The following SND1 variants were observed in gnomAD, a reference collection of about 807,000 sequenced individuals.
The protein encoded by SND1 is staphylococcal nuclease and tudor domain containing 1, also known as staphylococcal nuclease domain-containing protein 1.
SND1 carries 38 observed loss-of-function variants against 121.7 expected under a neutral mutation model. The observed-to-expected ratio is 0.31, with a 90% CI of 0.24 to 0.41. The LOEUF is 0.41. Among genes scored for constraint, SND1 ranks in the 10% least tolerant of loss-of-function variants. The pLI, the probability that SND1 is intolerant of heterozygous loss-of-function variation, is 1.00. For synonymous variants in SND1, 401 were observed against 447.4 expected (o/e 0.90, Z 1.31); for missense variants, 868 against 1,184.6 (o/e 0.73, Z 3.92).
rs144551964 is a variant in SND1, at chr7:127,767,540, A to G, written c.1153-39944A>G. 1.1e-4 allele frequency among the ~76,000 whole-genome samples: 16 copies of G among 152,226 alleles called. No homozygotes were observed. In the East Asian group the frequency reaches 2.5e-3, roughly 24 times the overall value. ...TAATGAAAGTGATTAAGAAGGTTCT[A>G]TTTTCTTCCATTGGTATGAATGTTC... On this transcript the variant is annotated intron_variant, in intron 10 of 23. Coordinates refer to ENST00000354725, the MANE Select transcript of SND1 (RefSeq NM_014390.4).
intron 13 of SND1, among the ~76,000 whole-genome samples, chr7:127,891,477 G>A (rs573618603): frequency 3.4e-4 from 51 of 152,160 alleles, no homozygotes; most frequent in African/African-American, 1.2e-3. Flanking sequence ...GTTACAGCGT[G>A]TCAGAGCTCT....
At chr7:127,857,279 G>C (rs2116674071) in intron 12 of SND1, among the ~76,000 whole-genome samples, 1 of 124,904 alleles carries the variant, frequency 8.0e-6, no homozygotes, top group Admixed American at 1.1e-4. Flanking sequence ...TGCAAGCTCT[G>C]CCTCCCAGGT....
chr7:128,032,416 G>A (rs1021095552), intron 16 of SND1, among the ~76,000 whole-genome samples: 1 of 151,646 alleles, frequency 6.6e-6, no homozygotes, highest in African/African-American at 2.4e-5. Flanking sequence ...GTCAAGTGAG[G>A]GGCCGCGCGC....
chr7:127,717,704 G>A (rs917156134), intron 9 of SND1, among the ~76,000 whole-genome samples: 2 of 152,146 alleles, frequency 1.3e-5, no homozygotes, highest in South Asian at 2.1e-4. Context: ...CACAGTCTCT[G>A]GTCATGCTTG....
intron 15 of SND1, among the ~76,000 whole-genome samples, chr7:127,975,238 T>C (rs1488078394): frequency 1.3e-5 from 2 of 152,180 alleles, no homozygotes; most frequent in East Asian, 1.9e-4. Flanking sequence ...TTAATTTAGG[T>C]GTTTTTGAGC....
intron 14 of SND1, 99 bp downstream of exon 14, chr7:127,904,918 G>T (rs1449163433): frequency 8.9e-6 from 7 of 789,908 alleles, no homozygotes; most frequent in Non-Finnish European, 1.5e-5. Context: ...TCTCTAGCTC[G>T]CTCCTTTTCA....
chr7:127,883,749 T>C (rs1403512093), intron 12 of SND1, among the ~76,000 whole-genome samples: 1 of 152,200 alleles, frequency 6.6e-6, no homozygotes, highest in Non-Finnish European at 1.5e-5. Context: ...TTAGAGGTCA[T>C]GTCACTCTAG....
At chr7:127,786,610 G>C (rs960413428) in intron 10 of SND1, among the ~76,000 whole-genome samples, 5 of 152,046 alleles carry the variant, frequency 3.3e-5, no homozygotes, top group African/African-American at 1.2e-4. Context: ...TTGCTGCATA[G>C]TGTTTTTTTG....
chr7:127,695,608 G>T (rs1795991870), intron 3 of SND1, among the ~76,000 whole-genome samples: 1 of 152,186 alleles, frequency 6.6e-6, no homozygotes, highest in Admixed American at 6.5e-5. Context: ...GAGGCAGGAG[G>T]ATCTCTTAAG....
chr7:127,915,206 G>C (rs545088579), intron 14 of SND1, among the ~76,000 whole-genome samples: 30 of 152,134 alleles, frequency 2.0e-4, no homozygotes, highest in Middle Eastern at 3.4e-3. Flanking sequence ...TAGAGATGGG[G>C]TTTTGCCATG....
At chr7:127,656,901 G>A (rs1353273548) in intron 1 of SND1, among the ~76,000 whole-genome samples, 4 of 152,196 alleles carry the variant, frequency 2.6e-5, no homozygotes, top group African/African-American at 9.7e-5. Flanking sequence ...AAGTAGATAG[G>A]CTAGGATGGA....
intron 16 of SND1, among the ~76,000 whole-genome samples, chr7:128,039,890 C>G (rs1188750630): frequency 6.6e-6 from 1 of 152,200 alleles, no homozygotes; most frequent in Admixed American, 6.5e-5. Flanking sequence ...CGCCCCATTA[C>G]CTCGCTTTAT....
At chr7:127,908,624 G>T (rs1294450269) in intron 14 of SND1, among the ~76,000 whole-genome samples, 2 of 152,080 alleles carry the variant, frequency 1.3e-5, no homozygotes, top group African/African-American at 4.8e-5. Flanking sequence ...TTGGTACTAG[G>T]TCTTACTTGA....
intron 11 of SND1, among the ~76,000 whole-genome samples, chr7:127,827,437 A>G (rs936997681): frequency 3.9e-5 from 6 of 152,320 alleles, no homozygotes; most frequent in African/African-American, 1.4e-4. Context: ...TATATTTCAC[A>G]TCTCTTTCAA....
intron 10 of SND1, among the ~76,000 whole-genome samples, chr7:127,766,865 A>G (rs1364393996): frequency 7.2e-6 from 1 of 139,440 alleles, no homozygotes; most frequent in Admixed American, 7.5e-5. Context: ...GCAACTATGT[A>G]TTTTTCTGTT....
At chr7:127,998,206 C>T in intron 16 of SND1, 2 of 317,738 alleles carry the variant, frequency 6.3e-6, no homozygotes, top group East Asian at 7.8e-5. Context: ...TTTAGGAAAG[C>T]TCTCCAAGCT....
chr7:127,775,249 G>T (rs4731380), intron 10 of SND1, among the ~76,000 whole-genome samples: 49,738 of 151,730 alleles, frequency 0.33, 8,990 homozygotes, highest in Admixed American at 0.42. Flanking sequence ...CTGACTTCTG[G>T]CTCTGAACTG....
chr7:127,971,592 G>T (rs1244064220), intron 15 of SND1, among the ~76,000 whole-genome samples: 1 of 152,000 alleles, frequency 6.6e-6, no homozygotes, highest in African/African-American at 2.4e-5. Context: ...TAATTTCACT[G>T]GGTTTACAAA....
rs887992690 is a variant in SND1 at position 127,952,629 on chromosome 7, G to A, written c.1669+23300G>A. ...AGCAGCTGTGTTCGATTTTATGGCT[G>A]TTTGCTTTAGCTTTCTGTGCTTGTA... On this transcript the variant is annotated intron_variant, in intron 15 of 23. Transcript: ENST00000354725. 5.9e-5 allele frequency among the ~76,000 whole-genome samples: 9 copies of A among 152,260 alleles called. No individual in the cohort carries two copies. In the East Asian group the frequency reaches 1.4e-3, roughly 23 times the overall value.
Sources: gnomAD v4.1 joint callset for allele counts (sites outside exome capture counted in the v4.1 genomes callset) on GRCh38, gnomAD v4.1.1 for gene constraint, MANE v1.5 for transcripts, NCBI Gene and HGNC (gene_info 2026-07-23, HGNC 2026-07-21) for gene names.